Variants in DCLK1 observed in about 807,000 individuals in gnomAD.
The protein encoded by DCLK1 is serine/threonine-protein kinase DCLK1.
In DCLK1, 16 loss-of-function variants were observed where a neutral mutation model predicts 86.2. The observed-to-expected ratio is 0.19, with a 90% CI of 0.13 to 0.28. The LOEUF is 0.28. DCLK1 is among the 10% of genes least tolerant of loss of function. DCLK1 has a pLI of 1.00. For missense variants in DCLK1, 590 were observed against 940.2 expected (o/e 0.63, Z 4.87); for synonymous variants, 369 against 370.5 (o/e 1.00, Z 0.05).
At position 35,976,525 on chromosome 13, in the gene DCLK1, G is replaced by GTTTTTTTTC. The variant is rs1879342633; in HGVS notation, c.724-29069_724-29068insGAAAAAAAA. Among the ~76,000 whole-genome samples the GTTTTTTTTC allele has an allele frequency of 1.2e-4, 7 of 56,350 alleles. 2 individuals carry two copies. 37.0% of individuals were successfully genotyped at this position (56,350 alleles called of 152,430 possible). A position where few individuals can be genotyped will look rare whatever the true frequency, so the allele number is the denominator to read the frequency against. On this transcript the variant is annotated intron_variant, in intron 3 of 16. Coordinates refer to ENST00000360631, the MANE Select transcript of DCLK1 (RefSeq NM_001330071.2). ...CTCCCAGCACTTCAGCTTCTCCGAG[G>GTTTTTTTTC]TTTTTTTTTTTTTTTTTTTTTTTGA...
Position 35,901,491 on chromosome 13 carries a change from C to CAAAAAAAAAAAAA in DCLK1, c.824-30164_824-30152dup, listed in dbSNP as rs58801666. On this transcript the variant is annotated intron_variant, in intron 4 of 16. Coordinates refer to ENST00000360631, the MANE Select transcript of DCLK1 (RefSeq NM_001330071.2). Reference sequence around the variant, plus strand: ...GGTGACAGAGTGAGAGACTCTGTCTCAAAAAAAAAAAAAAAAAAAAAAAAA... The same window carrying CAAAAAAAAAAAAA: ...GGTGACAGAGTGAGAGACTCTGTCTCAAAAAAAAAAAAAAAAAAAAAAAAAAAAAAAAAAAAAA... Among the ~76,000 whole-genome samples, 68 of 45,878 alleles carry CAAAAAAAAAAAAA rather than the reference C, an allele frequency of 1.5e-3. 11 individuals carry two copies. The highest frequency in any genetic ancestry group is 6.4e-3 in the African/African-American group (66 of 10,368). 30.1% of individuals were successfully genotyped at this position (45,878 alleles called of 152,430 possible).
rs74960723 is a variant in DCLK1 at position 35,808,335 on chromosome 13, G to A, written c.1767-15C>T. 5.0e-4 allele frequency: 799 copies of A among 1,608,980 alleles called. 3 individuals carry two copies. In the African/African-American group the frequency reaches 8.9e-3, roughly 18 times the overall value. On this transcript the variant is annotated splice_polypyrimidine_tract_variant and intron_variant, in intron 13 of 16. Coordinates refer to ENST00000360631, the MANE Select transcript of DCLK1 (RefSeq NM_001330071.2). ...CATCACCACTTCTGTTTAGGTGAAC[G>A]ACAACAAGGAAAAACAGCACTAAGA... is the stretch of plus-strand genomic sequence containing the variant.
chr13:35,915,495 G>C (rs1039260669), intron 4 of DCLK1, among the ~76,000 whole-genome samples: 14 of 152,194 alleles, frequency 9.2e-5, no homozygotes, highest in Non-Finnish European at 2.1e-4. Flanking sequence ...GAGCTCAGGA[G>C]TTGGAGACCA....
chr13:36,026,971 A>G, intron 3 of DCLK1, among the ~76,000 whole-genome samples: 1 of 152,354 alleles, frequency 6.6e-6, no homozygotes, highest in Non-Finnish European at 1.5e-5. Flanking sequence ...TACTTATTTA[A>G]AAAAACTTTA....
At chr13:35,993,880 T>A (rs1244027016) in intron 3 of DCLK1, among the ~76,000 whole-genome samples, 1 of 151,138 alleles carries the variant, frequency 6.6e-6, no homozygotes, top group African/African-American at 2.4e-5. Flanking sequence ...GCCTTGAGGC[T>A]CCCATATTTC....
chr13:35,866,605 C>A (rs944086135), intron 5 of DCLK1, among the ~76,000 whole-genome samples: 4 of 148,930 alleles, frequency 2.7e-5, no homozygotes, highest in Middle Eastern at 3.2e-3. Flanking sequence ...TCATTCCAGG[C>A]TAATTTTTGT....
chr13:36,129,245 G>T (rs929917221), intron 1 of DCLK1, among the ~76,000 whole-genome samples: 1 of 152,190 alleles, frequency 6.6e-6, no homozygotes, highest in Non-Finnish European at 1.5e-5. Context: ...GCAATAGTTA[G>T]AATTCCCTGG....
Position 36,087,969 on chromosome 13 carries a change from G to C in DCLK1, c.723+23900C>G, listed in dbSNP as rs114436097. On this transcript the variant is annotated intron_variant, in intron 3 of 16. Transcript: ENST00000360631. ...AGCACTAGAGTGCCCATGAGCATAG[G>C]ATGCTCTGGCTGGGTCTAAACAACA... is the stretch of plus-strand genomic sequence containing the variant. 2.5e-3 allele frequency among the ~76,000 whole-genome samples: 379 copies of C among 152,330 alleles called. 1 individual carries two copies. Among genetic ancestry groups the C allele is most frequent in the African/African-American group, 8.5e-3 (355 of 41,572 alleles).
intron 8 of DCLK1, among the ~76,000 whole-genome samples, chr13:35,831,677 T>C (rs1379134210): frequency 2.0e-5 from 3 of 151,990 alleles, no homozygotes; most frequent in Admixed American, 2.0e-4. Flanking sequence ...GCTTGCTTGT[T>C]TTTGAAATTA....
chr13:36,086,146 C>T (rs1884592292), intron 3 of DCLK1, among the ~76,000 whole-genome samples: 2 of 152,204 alleles, frequency 1.3e-5, no homozygotes, highest in Non-Finnish European at 2.9e-5. Context: ...CCATCCAACT[C>T]AGCAGCCAGG....
chr13:35,904,871 A>C (rs1874595176), intron 4 of DCLK1, among the ~76,000 whole-genome samples: 1 of 152,230 alleles, frequency 6.6e-6, no homozygotes, highest in East Asian at 1.9e-4. Flanking sequence ...TCTGAAATCT[A>C]GTCACCTTTT....
rs533243711 is a variant in DCLK1 at position 35,826,523 on chromosome 13, CAAAAAAAAAAAAAA to C, written c.1407+1098_1407+1111del. Among the ~76,000 whole-genome samples, 14 of 19,810 alleles carry C rather than the reference CAAAAAAAAAAAAAA, an allele frequency of 7.1e-4. 1 individual carries two copies. Among genetic ancestry groups the C allele is most frequent in the South Asian group, 2.1e-3 (1 of 470 alleles). 13.0% of individuals were successfully genotyped at this position (19,810 alleles called of 152,430 possible). On this transcript the variant is annotated intron_variant, in intron 10 of 16. Coordinates refer to ENST00000360631, the MANE Select transcript of DCLK1 (RefSeq NM_001330071.2). ...GGGCAGCAAGAGCAAAACTCCATCT[CAAAAAAAAAAAAAA>C]AAAAAGAAAGAAAGAAAGAAAGAAA... is the stretch of plus-strand genomic sequence containing the variant.
chr13:36,038,591 G>C (rs1353246435), intron 3 of DCLK1, among the ~76,000 whole-genome samples: 2 of 152,154 alleles, frequency 1.3e-5, no homozygotes, highest in Admixed American at 1.3e-4. Context: ...AGCAACTTAT[G>C]CACAACTGAT....
At chr13:35,985,611 C>T (rs557102996) in intron 3 of DCLK1, among the ~76,000 whole-genome samples, 86 of 152,252 alleles carry the variant, frequency 5.6e-4, no homozygotes, top group African/African-American at 1.9e-3. Flanking sequence ...AAAGGGTAAC[C>T]TGATGTCATC....
In DCLK1 at chr13:35,798,464, A is replaced by T. The variant is rs151238156; in HGVS notation, c.1945-4985T>A. On this transcript the variant is annotated intron_variant, in intron 15 of 16. Transcript: ENST00000360631. The stretch of plus-strand genomic sequence containing the variant: ...CTGCTAAAATATTCCCACGTAGTTT[A>T]AAACCATTCCAAGGTTATTAAAGGA... Among the ~76,000 whole-genome samples the T allele has an allele frequency of 4.5e-3, 679 of 152,288 alleles. 6 individuals carry two copies. Among genetic ancestry groups the T allele is most frequent in the African/African-American group, 0.016 (647 of 41,552 alleles).
chr13:35,936,439 T>G (rs1206836840), intron 4 of DCLK1, among the ~76,000 whole-genome samples: 1 of 152,212 alleles, frequency 6.6e-6, no homozygotes, highest in East Asian at 1.9e-4. Flanking sequence ...TTAGTCTTCT[T>G]ACTCACTTTG....
intron 3 of DCLK1, among the ~76,000 whole-genome samples, chr13:36,090,354 T>C (rs1233226819): frequency 2.0e-5 from 3 of 152,102 alleles, no homozygotes; most frequent in South Asian, 2.1e-4. Context: ...AGAGGAGTCA[T>C]TGAAAAGATC....
intron 4 of DCLK1, among the ~76,000 whole-genome samples, chr13:35,897,946 A>G (rs1874102652): frequency 6.6e-6 from 1 of 152,242 alleles, no homozygotes; most frequent in African/African-American, 2.4e-5. Context: ...TGGAATTAAG[A>G]GGCCATCTCC....
chr13:36,024,422 T>C (rs1881947008), intron 3 of DCLK1, among the ~76,000 whole-genome samples: 1 of 152,194 alleles, frequency 6.6e-6, no homozygotes, highest in Non-Finnish European at 1.5e-5. Flanking sequence ...AAAAATCAAC[T>C]GTATTTCTAT....
Sources: gnomAD v4.1 joint callset for allele counts (sites outside exome capture counted in the v4.1 genomes callset) on GRCh38, gnomAD v4.1.1 for gene constraint, MANE v1.5 for transcripts, NCBI Gene and HGNC (gene_info 2026-07-23, HGNC 2026-07-21) for gene names.